KCNIP1: variants seen among roughly 807,000 people sequenced by gnomAD.
KCNIP1 encodes A-type potassium channel modulatory protein KCNIP1.
KCNIP1 carries 18 observed loss-of-function variants against 33.0 expected under a neutral mutation model. That is an observed-to-expected ratio of 0.55 (90% CI 0.38 to 0.81). The LOEUF is 0.81. KCNIP1 is among the 30% of genes least tolerant of loss of function. The pLI, the probability that KCNIP1 is intolerant of heterozygous loss-of-function variation, is 0.00. For missense variants in KCNIP1, 238 were observed against 271.6 expected, an observed-to-expected ratio of 0.88 and a Z score of 0.87; for synonymous variants, 93 against 98.3, an observed-to-expected ratio of 0.95 and a Z score of 0.32.
chr5:170,673,847 G>A (rs1762017288), intron 1 of KCNIP1, among the ~76,000 whole-genome samples: 1 of 152,200 alleles, frequency 6.6e-6, no homozygotes, highest in Middle Eastern at 3.4e-3. Context: ...TCTGTAAAAT[G>A]GTGGTGGGCG....
Position 170,679,639 on chromosome 5 carries a change from G to GTGTT in KCNIP1, c.62-39116_62-39115insTTGT, listed in dbSNP as rs780087076. ...TATGTATATGACAGTGTGTGTGTGTGTGTGTGTGTGTGTGTGTGTGTGTTC... is the reference window on the plus strand; with the variant it reads ...TATGTATATGACAGTGTGTGTGTGTGTGTTTGTGTGTGTGTGTGTGTGTGTGTTC... On this transcript the variant is annotated intron_variant, in intron 1 of 7. Transcript: ENST00000328939. Among the ~76,000 whole-genome samples, 89 of 151,126 alleles carry GTGTT rather than the reference G, an allele frequency of 5.9e-4. 2 individuals carry two copies. The East Asian group carries it at 0.015, about 26-fold the overall frequency.
chr5:170,409,865 C>T (rs1222707884), intron 1 of KCNIP1, among the ~76,000 whole-genome samples: 1 of 152,194 alleles, frequency 6.6e-6, no homozygotes, highest in Middle Eastern at 3.2e-3. Context: ...TCTGGGTTGT[C>T]ATGAGCATTC....
intron 1 of KCNIP1, among the ~76,000 whole-genome samples, chr5:170,437,651 A>G (rs1755895812): frequency 6.6e-6 from 1 of 152,108 alleles, no homozygotes; most frequent in African/African-American, 2.4e-5. Context: ...GACCGGCCGG[A>G]GCAGAACGGA....
At chr5:170,681,192 G>C in intron 1 of KCNIP1, 1 of 399,108 alleles carries the variant, frequency 2.5e-6, no homozygotes, top group Non-Finnish European at 4.4e-6. Flanking sequence ...GCGAACCCTG[G>C]AGCTTCCCCG....
chr5:170,485,468 G>A (rs1292548567), intron 1 of KCNIP1, among the ~76,000 whole-genome samples: 1 of 152,240 alleles, frequency 6.6e-6, no homozygotes, highest in Non-Finnish European at 1.5e-5. Context: ...GCTGAGCCCT[G>A]TGAGTCAACA....
intron 1 of KCNIP1, among the ~76,000 whole-genome samples, chr5:170,417,319 C>T (rs1755356205): frequency 6.6e-6 from 1 of 152,154 alleles, no homozygotes; most frequent in South Asian, 2.1e-4. Context: ...AATTTTTCTA[C>T]AATGAACATG....
At chr5:170,597,351 G>A (rs950321389) in intron 1 of KCNIP1, among the ~76,000 whole-genome samples, 1 of 152,136 alleles carries the variant, frequency 6.6e-6, no homozygotes, top group Admixed American at 6.5e-5. Flanking sequence ...CTTGTTGCAG[G>A]CTGAGTCAGT....
intron 1 of KCNIP1, among the ~76,000 whole-genome samples, chr5:170,439,598 G>A (rs1254951100): frequency 8.5e-5 from 13 of 152,208 alleles, no homozygotes; most frequent in Admixed American, 8.5e-4. Flanking sequence ...ACCACTTAGT[G>A]GGGCTCATCT....
chr5:170,454,550 C>G (rs1289477439), intron 1 of KCNIP1, among the ~76,000 whole-genome samples: 1 of 152,188 alleles, frequency 6.6e-6, no homozygotes, highest in African/African-American at 2.4e-5. Flanking sequence ...CTCTGTCTTA[C>G]ACAGACTAAG....
At chr5:170,546,973 C>G (rs1425908998) in intron 1 of KCNIP1, among the ~76,000 whole-genome samples, 1 of 152,100 alleles carries the variant, frequency 6.6e-6, no homozygotes, top group Non-Finnish European at 1.5e-5. Context: ...TTTATTTATT[C>G]AAACATAAAA....
At chr5:170,481,393 C>G (rs946692202) in intron 1 of KCNIP1, among the ~76,000 whole-genome samples, 2 of 150,980 alleles carry the variant, frequency 1.3e-5, no homozygotes, top group Non-Finnish European at 3.0e-5. Flanking sequence ...TAGTACTACT[C>G]CTGCTGCTGC....
At chr5:170,548,616 C>T (rs188777384) in intron 1 of KCNIP1, among the ~76,000 whole-genome samples, 56 of 152,312 alleles carry the variant, frequency 3.7e-4, no homozygotes, top group Non-Finnish European at 6.8e-4. Flanking sequence ...CTTCCCCATC[C>T]ACCTTCCTAG....
At chr5:170,713,634 C>G (rs1296616795) in intron 1 of KCNIP1, among the ~76,000 whole-genome samples, 1 of 152,184 alleles carries the variant, frequency 6.6e-6, no homozygotes, top group African/African-American at 2.4e-5. Flanking sequence ...ACATGGACAA[C>G]TAATTCCAAA....
chr5:170,372,359 C>T (rs1312198414), intron 1 of KCNIP1, among the ~76,000 whole-genome samples: 2 of 152,256 alleles, frequency 1.3e-5, no homozygotes, highest in Non-Finnish European at 1.5e-5. Flanking sequence ...AGAAGCCCCC[C>T]AAACCCTATT....
chr5:170,379,298 T>A (rs1382284839), intron 1 of KCNIP1, among the ~76,000 whole-genome samples: 2 of 152,096 alleles, frequency 1.3e-5, no homozygotes, highest in Non-Finnish European at 2.9e-5. Flanking sequence ...GCCCTGAAGC[T>A]TCATCACTTA....
intron 1 of KCNIP1, among the ~76,000 whole-genome samples, chr5:170,652,025 G>T (rs942979892): frequency 5.3e-5 from 8 of 152,152 alleles, no homozygotes; most frequent in African/African-American, 1.9e-4. Context: ...AAGTTACTCG[G>T]CAAATAAATA....
At chr5:170,589,251 G>T (rs1482307458) in intron 1 of KCNIP1, among the ~76,000 whole-genome samples, 1 of 151,954 alleles carries the variant, frequency 6.6e-6, no homozygotes, top group Middle Eastern at 3.2e-3. Flanking sequence ...CACCCGCCTC[G>T]GCCTCCCAAA....
intron 1 of KCNIP1, among the ~76,000 whole-genome samples, chr5:170,517,654 G>T (rs1449365661): frequency 7.9e-6 from 1 of 126,206 alleles, no homozygotes; most frequent in Admixed American, 8.3e-5. Flanking sequence ...GACAGCGATG[G>T]TGGTATGGTG....
Position 170,413,928 on chromosome 5 carries a change from T to TA in KCNIP1, c.88+59983dup, listed in dbSNP as rs3051750. Among the ~76,000 whole-genome samples the TA allele has an allele frequency of 8.0e-3, 1,112 of 138,294 alleles. 8 individuals are homozygous for TA. Among genetic ancestry groups the TA allele is most frequent in the Middle Eastern group, 0.011 (3 of 266 alleles). 90.7% of individuals were successfully genotyped at this position (138,294 alleles called of 152,430 possible). The stretch of plus-strand genomic sequence containing the variant: ...TCTGCTACCATTCCTGAGTGGAAGT[T>TA]AAAAAAAAAAAAAAAAAAAGGCAGA... On this transcript the variant is annotated intron_variant, in intron 1 of 7. Transcript: ENST00000377360.
Sources: allele counts gnomAD v4.1 joint callset (sites outside exome capture counted in the v4.1 genomes callset), GRCh38; gene constraint gnomAD v4.1.1; transcripts MANE v1.5; gene names NCBI Gene and HGNC (gene_info 2026-07-23, HGNC 2026-07-21).